ABTB2: variants seen among roughly 807,000 people sequenced by gnomAD.
ABTB2 encodes the protein ankyrin repeat and BTB domain containing 2, also known as ankyrin repeat and BTB/POZ domain-containing protein 2.
ABTB2 carries 56 observed loss-of-function variants against 104.1 expected under a neutral mutation model. The observed-to-expected ratio is 0.54, with a 90% CI of 0.43 to 0.67. The LOEUF (loss-of-function observed/expected upper bound fraction) is 0.67. Among genes scored for constraint, ABTB2 ranks in the 30% least tolerant of loss-of-function variants. ABTB2 has a pLI of 0.00. For synonymous variants in ABTB2, 606 were observed against 608.2 expected, an observed-to-expected ratio of 1.00 and a Z score of 0.05; for missense variants, 1,279 against 1,407.7, an observed-to-expected ratio of 0.91 and a Z score of 1.46.
chr11:34,208,828 C>G (rs1390528394), intron 1 of ABTB2, among the ~76,000 whole-genome samples: 1 of 152,016 alleles, frequency 6.6e-6, no homozygotes, highest in Non-Finnish European at 1.5e-5. Flanking sequence ...CTTTTACCAC[C>G]AACATATCTC....
chr11:34,177,087 T>C (rs1317346980), intron 3 of ABTB2, among the ~76,000 whole-genome samples: 1 of 152,182 alleles, frequency 6.6e-6, no homozygotes, highest in Non-Finnish European at 1.5e-5. Flanking sequence ...AAAAAGATAA[T>C]CCGTGGATTT....
chr11:34,199,678 T>G (rs1356387706), intron 2 of ABTB2, among the ~76,000 whole-genome samples: 1 of 152,182 alleles, frequency 6.6e-6, no homozygotes, highest in Non-Finnish European at 1.5e-5. Context: ...GCCCCACCCC[T>G]GGCGATTCCT....
At chr11:34,354,924 A>G (rs943217515) in intron 1 of ABTB2, among the ~76,000 whole-genome samples, 1 of 152,100 alleles carries the variant, frequency 6.6e-6, no homozygotes, top group Non-Finnish European at 1.5e-5. Context: ...TGGAGATGGA[A>G]ATCCCCTGGC....
intron 7 of ABTB2, among the ~76,000 whole-genome samples, chr11:34,165,814 C>T (rs1852792927): frequency 6.6e-6 from 1 of 152,226 alleles, no homozygotes; most frequent in African/African-American, 2.4e-5. Context: ...ACTCCCAGAG[C>T]CTCAGTCTTC....
chr11:34,176,279 C>CA (rs58009507), intron 3 of ABTB2, among the ~76,000 whole-genome samples: 43,148 of 75,168 alleles, frequency 0.57, 12,867 homozygotes, highest in Non-Finnish European at 0.69. Flanking sequence ...GACTCCGTCT[C>CA]AAAAAAAAAA....
At chr11:34,329,798 A>C (rs1855108992) in intron 1 of ABTB2, among the ~76,000 whole-genome samples, 1 of 152,244 alleles carries the variant, frequency 6.6e-6, no homozygotes, top group Admixed American at 6.5e-5. Flanking sequence ...ACCTGAAGCC[A>C]ATCCTACTTT....
chr11:34,310,696 G>C (rs1854840542), intron 1 of ABTB2, among the ~76,000 whole-genome samples: 1 of 152,076 alleles, frequency 6.6e-6, no homozygotes, highest in Admixed American at 6.6e-5. Context: ...TGCTAGTCAA[G>C]TCCTCCTACC....
chr11:34,339,237 C>G (rs1256652541), intron 1 of ABTB2, among the ~76,000 whole-genome samples: 1 of 152,118 alleles, frequency 6.6e-6, no homozygotes, highest in Non-Finnish European at 1.5e-5. Context: ...TGCACCCAGT[C>G]TAGAACATCA....
chr11:34,258,613 T>TG (rs1245178865), intron 1 of ABTB2, among the ~76,000 whole-genome samples: 62 of 139,004 alleles, frequency 4.5e-4, no homozygotes, highest in African/African-American at 1.8e-3. Context: ...CTCTTTTTTT[T>TG]TTTTTTTTTT....
chr11:34,210,838 C>T (rs762997018), intron 1 of ABTB2, among the ~76,000 whole-genome samples: 24 of 152,306 alleles, frequency 1.6e-4, no homozygotes, highest in South Asian at 2.1e-4. Flanking sequence ...TTCTTAGGTG[C>T]GCGGGAAGCT....
intron 1 of ABTB2, among the ~76,000 whole-genome samples, chr11:34,314,869 G>A (rs950783264): frequency 2.0e-5 from 3 of 152,200 alleles, no homozygotes; most frequent in African/African-American, 2.4e-5. Flanking sequence ...CACAGGCTGA[G>A]AGTCCATGAG....
In ABTB2 at chr11:34,287,346, G is replaced by A. The variant is rs561200060; in HGVS notation, c.883+69355C>T. Among the ~76,000 whole-genome samples, 300 of 152,126 alleles carry A rather than the reference G, an allele frequency of 2.0e-3. 1 individual carries two copies. Among genetic ancestry groups the A allele is most frequent in the Non-Finnish European group, 3.4e-3 (233 of 68,026 alleles). On this transcript the variant is annotated intron_variant, in intron 1 of 16. Coordinates refer to ENST00000435224, the MANE Select transcript of ABTB2 (RefSeq NM_145804.3). ...TAGCACTTTGAGAGGCCAGGAGTTTGAGACCAGCCTGAGACCAGCCCGGCC... is the reference window on the plus strand; with the variant it reads ...TAGCACTTTGAGAGGCCAGGAGTTTAAGACCAGCCTGAGACCAGCCCGGCC...
intron 1 of ABTB2, among the ~76,000 whole-genome samples, chr11:34,231,797 TTGA>T (rs1853772645): frequency 6.6e-6 from 1 of 152,184 alleles, no homozygotes; most frequent in South Asian, 2.1e-4. Flanking sequence ...GTGTGTATTC[TTGA>T]TATGATGAGT....
intron 1 of ABTB2, among the ~76,000 whole-genome samples, chr11:34,274,128 C>T (rs1000554148): frequency 6.5e-5 from 8 of 123,066 alleles, no homozygotes; most frequent in East Asian, 2.6e-4. Flanking sequence ...GTCCGCAGTC[C>T]GGCCTGGGCG....
In ABTB2 at chr11:34,244,228, A is replaced by G. The variant is rs372541269; in HGVS notation, c.884-39538T>C. Among the ~76,000 whole-genome samples the G allele has an allele frequency of 1.2e-3, 183 of 152,170 alleles. 2 individuals are homozygous for G. The highest frequency in any genetic ancestry group is 4.2e-3 in the African/African-American group (175 of 41,536). On this transcript the variant is annotated intron_variant, in intron 1 of 16. Transcript: ENST00000435224. ...CTTTAAAAAAAAAAAAATCACTTTC[A>G]GTTGTTAAATGAATAAACCACTCTA...
At chr11:34,343,741 T>C (rs956886593) in intron 1 of ABTB2, among the ~76,000 whole-genome samples, 11 of 152,276 alleles carry the variant, frequency 7.2e-5, no homozygotes, top group African/African-American at 2.6e-4. Context: ...CCCAAAGCGT[T>C]GGGATTACAG....
intron 1 of ABTB2, among the ~76,000 whole-genome samples, chr11:34,206,031 A>G: frequency 6.6e-6 from 1 of 152,164 alleles, no homozygotes; most frequent in East Asian, 1.9e-4. Flanking sequence ...CTGGGAACAT[A>G]GGCTTCATTT....
At chr11:34,325,494 A>T (rs992035960) in intron 1 of ABTB2, among the ~76,000 whole-genome samples, 1 of 152,254 alleles carries the variant, frequency 6.6e-6, no homozygotes, top group African/African-American at 2.4e-5. Flanking sequence ...TAGCACCAAC[A>T]TCATAGCATT....
chr11:34,344,214 T>C (rs144893155), intron 1 of ABTB2, among the ~76,000 whole-genome samples: 3 of 152,190 alleles, frequency 2.0e-5, no homozygotes, highest in Non-Finnish European at 2.9e-5. Flanking sequence ...CACAGAACAA[T>C]TGGACTAATT....
Sources: allele counts gnomAD v4.1 joint callset (sites outside exome capture counted in the v4.1 genomes callset), GRCh38; gene constraint gnomAD v4.1.1; transcripts MANE v1.5; gene names NCBI Gene and HGNC (gene_info 2026-07-23, HGNC 2026-07-21).